UMODL1: variants seen among roughly 807,000 people sequenced by gnomAD.
UMODL1 encodes the protein uromodulin-like 1.
Under a neutral mutation model 136.3 loss-of-function variants are expected in UMODL1, and 128 were observed. The observed-to-expected ratio is 0.94, with a 90% CI of 0.81 to 1.09. The LOEUF (loss-of-function observed/expected upper bound fraction) is 1.09, where lower values mean the gene tolerates loss of function less well. UMODL1 is among the 50% of genes least tolerant of loss of function. The pLI is 0.00. For synonymous variants in UMODL1, 721 were observed against 720.0 expected, an observed-to-expected ratio of 1.00 and a Z score of -0.02; for missense variants, 1,766 against 1,725.6, an observed-to-expected ratio of 1.02 and a Z score of -0.41.
At chr21:42,077,588 T>C (rs2066310441) in intron 2 of UMODL1, among the ~76,000 whole-genome samples, 1 of 152,260 alleles carries the variant, frequency 6.6e-6, no homozygotes, top group South Asian at 2.1e-4. Context: ...CTTTGGGCGT[T>C]ATCAATCAGA....
rs1204114626 is a variant in UMODL1 at position 42,085,225 on chromosome 21, C to T, written c.482-66C>T. The T allele has an allele frequency of 4.4e-6, 7 of 1,575,436 alleles. No individual in the cohort carries two copies. Among genetic ancestry groups the T allele is most frequent in the African/African-American group, 4.1e-5 (3 of 73,954 alleles). On this transcript the variant is annotated intron_variant, in intron 3 of 22. Coordinates refer to ENST00000408910, the MANE Select transcript of UMODL1 (RefSeq NM_001004416.3). The surrounding 1 kb of genome is among the most constrained non-coding windows in gnomAD (Gnocchi z 4.5). ...GTTCCCTCTCCTGCCCCCTCTCCCA[C>T]CCCAGCAGCTTTTGTGACTTCAACC...
rs1241600344 is a variant in UMODL1 at position 42,111,724 on chromosome 21, A to G, written c.2104+14A>G. On this transcript the variant is annotated intron_variant, in intron 12 of 22. Coordinates refer to ENST00000408910, the MANE Select transcript of UMODL1 (RefSeq NM_001004416.3). The stretch of plus-strand genomic sequence containing the variant: ...CCCCCGCCTGTGGTGAGTTCCTCGA[A>G]TGGTGCATGGGGACTAGGACTAATA... The G allele has an allele frequency of 6.2e-7, 1 of 1,601,400 alleles. No homozygotes were observed.
At chr21:42,063,616 A>G (rs2066159127) in intron 1 of UMODL1, among the ~76,000 whole-genome samples, 1 of 152,202 alleles carries the variant, frequency 6.6e-6, no homozygotes, top group South Asian at 2.1e-4. Flanking sequence ...GGACAGGAGC[A>G]GTGGAAACCT....
chr21:42,096,877 T>G (rs2066564563), intron 6 of UMODL1, among the ~76,000 whole-genome samples: 1 of 152,224 alleles, frequency 6.6e-6, no homozygotes, highest in Non-Finnish European at 1.5e-5. Context: ...GCAGACTTTT[T>G]GGAAAAGAAA....
At chr21:42,127,332 C>A in intron 19 of UMODL1, 90 bp downstream of exon 19, 1 of 1,182,120 alleles carries the variant, frequency 8.5e-7, no homozygotes, top group Non-Finnish European at 1.3e-6. Flanking sequence ...ACATCCCCAT[C>A]CAGCAATGCC....
chr21:42,141,740 G>A (rs1213587473), intron 22 of UMODL1, among the ~76,000 whole-genome samples: 1 of 151,872 alleles, frequency 6.6e-6, no homozygotes, highest in Non-Finnish European at 1.5e-5. Flanking sequence ...CCCTTGGGCA[G>A]CCCCACTCAG....
In UMODL1 at chr21:42,125,296, A is replaced by G. The variant is rs138238033; in HGVS notation, c.3148-1049A>G. ...GGGATGAGGTGGGGAGGTGGGGCAT[A>G]AGGTGATTCCATGGTGTGGAGCCTG... is the stretch of plus-strand genomic sequence containing the variant. On this transcript the variant is annotated intron_variant, in intron 17 of 22. Transcript: ENST00000408910. 3.4e-3 allele frequency among the ~76,000 whole-genome samples: 519 copies of G among 152,174 alleles called. 2 individuals are homozygous for G. Among genetic ancestry groups the G allele is most frequent in the African/African-American group, 0.012 (493 of 41,528 alleles).
chr21:42,086,255 A>G (rs2066425553), intron 4 of UMODL1, among the ~76,000 whole-genome samples: 1 of 152,168 alleles, frequency 6.6e-6, no homozygotes, highest in African/African-American at 2.4e-5. Context: ...AATGCCGAAC[A>G]CTTTTCAGAC....
At chr21:42,116,166 C>G (rs953152167) in intron 14 of UMODL1, among the ~76,000 whole-genome samples, 181 bp downstream of exon 14, 3 of 101,476 alleles carry the variant, frequency 3.0e-5, no homozygotes, top group Non-Finnish European at 5.7e-5. Flanking sequence ...AAAACCCCAT[C>G]TCCACCAAAA....
chr21:42,142,893 T>C lies in UMODL1; in HGVS notation c.*819T>C, dbSNP rs1466348607. On this transcript the variant is annotated 3_prime_UTR_variant, in exon 23 of 23. Coordinates refer to ENST00000408910, the MANE Select transcript of UMODL1 (RefSeq NM_001004416.3). ...GAATGAATTAGCAAGAAAATGGTTC[T>C]AAAATCTAAGTATTTTAGTCTAGAA... is the stretch of plus-strand genomic sequence containing the variant. 6.6e-6 allele frequency: 1 copy of C among 152,254 alleles called. No individual in the cohort carries two copies. The highest frequency in any genetic ancestry group is 2.4e-5 in the African/African-American group (1 of 41,468). 9.4% of individuals were successfully genotyped at this position (152,254 alleles called of 1,614,324 possible). A position where few individuals can be genotyped will look rare whatever the true frequency, so the allele number is the denominator to read the frequency against.
rs545860429 is a variant in UMODL1 at position 42,126,545 on chromosome 21, G to A, written c.3293+55G>A. 312 of 1,611,712 alleles carry A rather than the reference G, an allele frequency of 1.9e-4. 1 individual carries two copies. Among genetic ancestry groups the A allele is most frequent in the Non-Finnish European group, 2.5e-4 (299 of 1,178,720 alleles). ...AGCCACGTGCCTCCAGACCACCTGC[G>A]CTTTGAGAGTTCTTTAGGGTGTCAA... On this transcript the variant is annotated intron_variant, in intron 18 of 22. Transcript: ENST00000408910.
At chr21:42,070,994 C>T (rs539493699), upstream of UMODL1, among the ~76,000 whole-genome samples, 3 of 152,202 alleles carry the variant, frequency 2.0e-5, no homozygotes, top group African/African-American at 4.8e-5. Context: ...TGCGTAACAA[C>T]GAGATGGGAT....
chr21:42,091,084 C>T lies in UMODL1; in HGVS notation c.931+646C>T, dbSNP rs1403863436. ...TAACCGGCACAGAATACACTTAGTT[C>T]TTTCAGCCATTATTGATCTCCTAGT... On this transcript the variant is annotated intron_variant, in intron 6 of 22. Coordinates refer to ENST00000408910, the MANE Select transcript of UMODL1 (RefSeq NM_001004416.3). Among the ~76,000 whole-genome samples the T allele has an allele frequency of 3.3e-5, 5 of 152,202 alleles. No individual in the cohort carries two copies. The East Asian group carries it at 9.6e-4, about 29-fold the overall frequency.
chr21:42,089,290 C>T (rs868806916), intron 5 of UMODL1, among the ~76,000 whole-genome samples: 4 of 152,218 alleles, frequency 2.6e-5, no homozygotes, highest in African/African-American at 9.6e-5. Context: ...TGAGGAGGCA[C>T]GTGACAATGC....
chr21:42,103,205 T>C (rs2066659580), intron 8 of UMODL1: 1 of 191,916 alleles, frequency 5.2e-6, no homozygotes, highest in African/African-American at 2.3e-5. Flanking sequence ...GGGCAGTTAG[T>C]GCGTCTACTT....
rs370329505 is a variant in UMODL1, at chr21:42,110,950, G to A, written c.1728G>A (p.Thr576=). The stretch of plus-strand genomic sequence containing the variant: ...GGGTAACGGTCCCAGGTCTTGGCAC[G>A]GGAACAGCAGCCCTCGGCCTAGAGA... ...ATGVTVPGLG[T]GTAALGLENF... The change falls in exon 11 of 23, where the codon ACG becomes ACA. Residue 576 remains threonine, a synonymous_variant. Transcript: ENST00000408910. The A allele has an allele frequency of 2.8e-5, 45 of 1,612,986 alleles. No individual in the cohort carries two copies. Among genetic ancestry groups the A allele is most frequent in the Admixed American group, 6.7e-5 (4 of 59,942 alleles).
At chr21:42,095,549 C>T (rs1395003965) in intron 6 of UMODL1, among the ~76,000 whole-genome samples, 3 of 152,158 alleles carry the variant, frequency 2.0e-5, no homozygotes, top group African/African-American at 7.2e-5. Context: ...CCTGGGAAAT[C>T]CAGGATTATC....
At chr21:42,138,024 A>C (rs2067232131) in intron 22 of UMODL1, among the ~76,000 whole-genome samples, 1 of 152,066 alleles carries the variant, frequency 6.6e-6, no homozygotes, top group Non-Finnish European at 1.5e-5. Flanking sequence ...TCACACACCC[A>C]CTGGACTGGC....
chr21:42,077,511 G>A (rs888855309), intron 2 of UMODL1, among the ~76,000 whole-genome samples: 1 of 141,016 alleles, frequency 7.1e-6, no homozygotes, highest in Non-Finnish European at 1.6e-5. Flanking sequence ...AAGATAAATG[G>A]TTACAGAAAA....
Sources: allele counts gnomAD v4.1 joint callset (sites outside exome capture counted in the v4.1 genomes callset), GRCh38; gene constraint gnomAD v4.1.1; non-coding constraint Gnocchi (gnomAD v3.1); transcripts MANE v1.5; gene names NCBI Gene and HGNC (gene_info 2026-07-23, HGNC 2026-07-21).